Variants in HPCAL1 observed in about 807,000 individuals in gnomAD.
The protein encoded by HPCAL1 is hippocalcin-like protein 1.
A neutral mutation model predicts 17.1 loss-of-function variants in HPCAL1; 8 were observed. The ratio of observed to expected loss-of-function variants is 0.47; its 90% CI spans 0.27 to 0.84. The LOEUF (loss-of-function observed/expected upper bound fraction) is 0.84. Among genes scored for constraint, HPCAL1 ranks in the 40% least tolerant of loss-of-function variants. HPCAL1 has a pLI of 0.13. For missense variants in HPCAL1, 165 were observed against 271.1 expected, an observed-to-expected ratio of 0.61 and a Z score of 2.75; for synonymous variants, 112 against 111.4, an observed-to-expected ratio of 1.01 and a Z score of -0.03.
chr2:10,319,603 A>T (rs1477677582), intron 1 of HPCAL1, among the ~76,000 whole-genome samples: 1 of 151,164 alleles, frequency 6.6e-6, no homozygotes. Context: ...TGGGGTGGGC[A>T]GACTAATACA....
rs529035748 is a variant in HPCAL1 at position 10,338,256 on chromosome 2, T to C, written c.-111+35079T>C. Among the ~76,000 whole-genome samples the C allele has an allele frequency of 1.2e-4, 18 of 152,160 alleles. 1 individual carries two copies. In the East Asian group the frequency reaches 3.5e-3, roughly 29 times the overall value. On this transcript the variant is annotated intron_variant, in intron 1 of 4. Transcript: ENST00000307845. ...TGAAAAGCGTTCTGGAATTAGATAGTGGTGGTGGCTGTAGGACCTGGTGAA... is the reference window on the plus strand; with the variant it reads ...TGAAAAGCGTTCTGGAATTAGATAGCGGTGGTGGCTGTAGGACCTGGTGAA...
Position 10,363,052 on chromosome 2 carries a change from T to C in HPCAL1, c.-110-33783T>C, listed in dbSNP as rs996273003. Among the ~76,000 whole-genome samples the C allele has an allele frequency of 6.6e-6, 1 of 152,110 alleles. No homozygotes were observed. ...GGGAGGATTACTTGAGCCTAGGAGG[T>C]TGAGGCTGCAGTGAACCATGATCAT... On this transcript the variant is annotated intron_variant, in intron 1 of 4. Coordinates refer to ENST00000307845, the MANE Select transcript of HPCAL1 (RefSeq NM_002149.4). This position sits in a 1 kb window ranked among gnomAD's most constrained non-coding sequence, Gnocchi z 4.7.
Position 10,323,409 on chromosome 2 carries a change from C to T in HPCAL1, c.-111+20232C>T, listed in dbSNP as rs1312709706. 6.6e-6 allele frequency among the ~76,000 whole-genome samples: 1 copy of T among 152,250 alleles called. No homozygotes were observed. Among genetic ancestry groups the T allele is most frequent in the African/African-American group, 2.4e-5 (1 of 41,460 alleles). On this transcript the variant is annotated intron_variant, in intron 1 of 4. Transcript: ENST00000307845. This position sits in a 1 kb window ranked among gnomAD's most constrained non-coding sequence, Gnocchi z 4.6. ...AGTGCCCTGGCCAGCAGAGGCCAAA[C>T]ACATTCCCATTCAGCTTTGTTTCAT...
intron 1 of HPCAL1, among the ~76,000 whole-genome samples, chr2:10,355,739 C>T (rs1666115926): frequency 6.6e-6 from 1 of 151,868 alleles, no homozygotes; most frequent in Non-Finnish European, 1.5e-5. Context: ...TTTGCAAAGG[C>T]ATTTGAAGAT....
intron 1 of HPCAL1, among the ~76,000 whole-genome samples, chr2:10,347,670 G>T (rs1468124574): frequency 6.6e-6 from 1 of 152,170 alleles, no homozygotes; most frequent in Non-Finnish European, 1.5e-5. Flanking sequence ...AAACACTCCA[G>T]CAGCAGCCTT....
At chr2:10,317,088 C>T (rs111933197) in intron 1 of HPCAL1, among the ~76,000 whole-genome samples, 40 of 152,318 alleles carry the variant, frequency 2.6e-4, no homozygotes, top group African/African-American at 7.9e-4. Context: ...TGTGTCCCTG[C>T]GGTTTCCTGG....
chr2:10,320,323 C>A (rs1424181851), intron 1 of HPCAL1, among the ~76,000 whole-genome samples: 1 of 152,130 alleles, frequency 6.6e-6, no homozygotes, highest in African/African-American at 2.4e-5. Flanking sequence ...GGAGGAGGAG[C>A]CTGGTGGGGG....
chr2:10,352,984 T>A (rs1191247954), intron 1 of HPCAL1, among the ~76,000 whole-genome samples: 3 of 152,230 alleles, frequency 2.0e-5, no homozygotes, highest in Non-Finnish European at 4.4e-5. Flanking sequence ...AGACTCTTCA[T>A]GAAAATGATG....
At chr2:10,311,385 A>G (rs1019397926) in intron 1 of HPCAL1, among the ~76,000 whole-genome samples, 1 of 152,166 alleles carries the variant, frequency 6.6e-6, no homozygotes, top group African/African-American at 2.4e-5. Context: ...GCTTGCCTTC[A>G]TGCTGGAATG....
At position 10,376,842 on chromosome 2, in the gene HPCAL1, TATTGTATTGTGTGTAGTACAATACATAGC is replaced by T. The variant is rs1558498776; in HGVS notation, c.-110-19992_-110-19964del. 1.0e-3 allele frequency among the ~76,000 whole-genome samples: 142 copies of T among 140,556 alleles called. 17 individuals are homozygous for T. The highest frequency in any genetic ancestry group is 3.8e-3 in the African/African-American group (136 of 35,682). 92.2% of individuals were successfully genotyped at this position (140,556 alleles called of 152,430 possible). On this transcript the variant is annotated intron_variant, in intron 1 of 4. Coordinates refer to ENST00000307845, the MANE Select transcript of HPCAL1 (RefSeq NM_002149.4). ...ACAGTATATAATACAATACATACCG[TATTGTATTGTGTGTAGTACAATACATAGC>T]GTATTGTATTGTGTGTAGTACAATA...
chr2:10,316,241 G>A (rs946960616), intron 1 of HPCAL1, among the ~76,000 whole-genome samples: 3 of 152,008 alleles, frequency 2.0e-5, no homozygotes, highest in Non-Finnish European at 4.4e-5. Flanking sequence ...TGCTTTTCAC[G>A]GCCCTGGCTT....
At chr2:10,324,759 T>C (rs1452493020) in intron 1 of HPCAL1, among the ~76,000 whole-genome samples, 1 of 128,220 alleles carries the variant, frequency 7.8e-6, no homozygotes, top group African/African-American at 2.9e-5. Flanking sequence ...GTGTTGGGGG[T>C]GGGGTTGTTA....
rs999056902 is a variant in HPCAL1 at position 10,330,416 on chromosome 2, A to G, written c.-111+27239A>G. Among the ~76,000 whole-genome samples, 3 of 152,144 alleles carry G rather than the reference A, an allele frequency of 2.0e-5. No individual in the cohort carries two copies. The highest frequency in any genetic ancestry group is 4.8e-5 in the African/African-American group (2 of 41,434). On this transcript the variant is annotated intron_variant, in intron 1 of 4. Transcript: ENST00000307845. This position sits in a 1 kb window ranked among gnomAD's most constrained non-coding sequence, Gnocchi z 4.2. ...CTGAGTCGTCTAACCTTCCCGGTGT[A>G]TTAGTCAGCTCTGGCTGCTGGAAAC...
chr2:10,345,243 C>T (rs569456465), intron 1 of HPCAL1, among the ~76,000 whole-genome samples: 81 of 152,292 alleles, frequency 5.3e-4, no homozygotes, highest in African/African-American at 1.9e-3. Context: ...CTCTCTCCGT[C>T]TTTGGGACAG....
chr2:10,408,442 C>T (rs1165722505), intron 2 of HPCAL1: 1 of 152,266 alleles, frequency 6.6e-6, no homozygotes, highest in African/African-American at 2.4e-5. Flanking sequence ...CAACAGCTTT[C>T]AGGAAGGCCT....
intron 1 of HPCAL1, among the ~76,000 whole-genome samples, chr2:10,371,636 C>G (rs561949949): frequency 1.3e-5 from 2 of 152,278 alleles, no homozygotes; most frequent in African/African-American, 4.8e-5. Flanking sequence ...GTTCCCAGGG[C>G]AGCCTTCCCC....
chr2:10,424,755 A>G, intron 4 of HPCAL1: 5 of 411,704 alleles, frequency 1.2e-5, no homozygotes, highest in South Asian at 8.9e-5. Flanking sequence ...GTGGGGCTGC[A>G]GCCAGGGGCC....
chr2:10,364,592 T>A (rs1226674483), intron 1 of HPCAL1, among the ~76,000 whole-genome samples: 1 of 151,768 alleles, frequency 6.6e-6, no homozygotes, highest in East Asian at 1.9e-4. Context: ...CCTCCTTTTT[T>A]TTTTTTTTTG....
intron 1 of HPCAL1, among the ~76,000 whole-genome samples, chr2:10,311,956 A>G (rs1041888835): frequency 1.3e-5 from 2 of 151,674 alleles, no homozygotes; most frequent in Non-Finnish European, 2.9e-5. Context: ...CATCATCACC[A>G]TCATCATCAC....
Sources: gnomAD v4.1 joint callset for allele counts (sites outside exome capture counted in the v4.1 genomes callset) on GRCh38, gnomAD v4.1.1 for gene constraint, Gnocchi (gnomAD v3.1) non-coding constraint, MANE v1.5 for transcripts, NCBI Gene and HGNC (gene_info 2026-07-23, HGNC 2026-07-21) for gene names.